The following ASB15 variants were observed in gnomAD, a reference collection of about 807,000 sequenced individuals.
ASB15 encodes the protein ankyrin repeat and SOCS box containing 15.
A neutral mutation model predicts 58.0 loss-of-function variants in ASB15; 54 were observed. The observed-to-expected ratio is 0.93, with a 90% CI of 0.75 to 1.17. The LOEUF is 1.17. Ranked by LOEUF, ASB15 falls within the 50% of genes most tolerant of loss-of-function variation. ASB15 has a pLI of 0.00. For synonymous variants in ASB15, 249 were observed against 262.4 expected, an observed-to-expected ratio of 0.95 and a Z score of 0.50; for missense variants, 680 against 707.4, an observed-to-expected ratio of 0.96 and a Z score of 0.44.
intron 1 of ASB15, among the ~76,000 whole-genome samples, chr7:123,602,623 T>C (rs1799942643): frequency 6.6e-6 from 1 of 152,206 alleles, no homozygotes; most frequent in South Asian, 2.1e-4. Context: ...GTGATAAAAA[T>C]TATAATTTTA....
chr7:123,610,704 C>A (rs913972666), intron 3 of ASB15, among the ~76,000 whole-genome samples: 1 of 152,088 alleles, frequency 6.6e-6, no homozygotes, highest in Non-Finnish European at 1.5e-5. Flanking sequence ...GCAAGGTTAA[C>A]CAGTGCTTTA....
At chr7:123,620,696 G>C (rs1449255409) in intron 7 of ASB15, among the ~76,000 whole-genome samples, 2 of 145,224 alleles carry the variant, frequency 1.4e-5, no homozygotes, top group Non-Finnish European at 3.0e-5. Flanking sequence ...CCGAGTAGCT[G>C]GGACTACAGG....
At chr7:123,619,473 C>T (rs1210431403) in intron 7 of ASB15, among the ~76,000 whole-genome samples, 2 of 152,098 alleles carry the variant, frequency 1.3e-5, no homozygotes, top group African/African-American at 2.4e-5. Flanking sequence ...ATACAGTTTG[C>T]TCAGTGAAGA....
At chr7:123,623,920 AAG>A (rs1801529146) in intron 7 of ASB15, among the ~76,000 whole-genome samples, 1 of 105,588 alleles carries the variant, frequency 9.5e-6, no homozygotes, top group African/African-American at 3.9e-5. Flanking sequence ...GGAAGGAAGG[AAG>A]AAAGAAAGAA....
At chr7:123,597,441 C>T (rs1799729685), upstream of ASB15, among the ~76,000 whole-genome samples, 3 of 152,018 alleles carry the variant, frequency 2.0e-5, no homozygotes, top group African/African-American at 7.2e-5. Flanking sequence ...ATAAATTAAA[C>T]GTTATCATAA....
Position 123,616,468 on chromosome 7 carries a change from C to T in ASB15, c.265C>T (p.Gln89Ter). 1 of 1,612,570 alleles carries T rather than the reference C, an allele frequency of 6.2e-7. No individual in the cohort carries two copies. Among genetic ancestry groups the T allele is most frequent in the Non-Finnish European group, 8.5e-7 (1 of 1,179,032 alleles). ...PLHEAVVQPI[Q>*]QILEIVLDAS... ...GCATGAAGCTGTTGTTCAACCCATT[C>T]AACAAATACTTGAGATTGTTCTGGA... The change falls in exon 6 of 12, where the codon CAA becomes TAA. Residue 89 changes from glutamine (Q) to a stop codon, truncating the protein, a stop_gained. Coordinates refer to ENST00000451215, the MANE Select transcript of ASB15 (RefSeq NM_001290258.2). LOFTEE classifies it high-confidence loss of function.
chr7:123,623,935 G>GAAAGGAAGAAAGAAAGA (rs1801549780), intron 7 of ASB15, among the ~76,000 whole-genome samples: 5 of 4,400 alleles, frequency 1.1e-3, no homozygotes, highest in African/African-American at 2.5e-3. Context: ...AGAAAGAAAA[G>GAAAGGAAGAAAGAAAGA]AAAGAAAGAA....
intron 1 of ASB15, among the ~76,000 whole-genome samples, chr7:123,579,713 T>G (rs1799172952): frequency 6.6e-6 from 1 of 152,058 alleles, no homozygotes; most frequent in African/African-American, 2.4e-5. Context: ...CTAACTCAAT[T>G]TTCACTAGGT....
intron 2 of ASB15, among the ~76,000 whole-genome samples, chr7:123,608,111 T>C (rs976261105): frequency 6.6e-6 from 1 of 152,176 alleles, no homozygotes; most frequent in African/African-American, 2.4e-5. Context: ...GTTCTTATTT[T>C]ATTTTTTTAT....
chr7:123,581,189 G>T (rs978485904), intron 1 of ASB15, among the ~76,000 whole-genome samples: 9 of 151,910 alleles, frequency 5.9e-5, no homozygotes, highest in African/African-American at 2.2e-4. Context: ...CTCAGGGCAT[G>T]AACACCGTTC....
chr7:123,616,610 ATTTGG>A, intron 6 of ASB15, 115 bp downstream of exon 6: 1 of 1,251,596 alleles, frequency 8.0e-7, no homozygotes, highest in Admixed American at 3.0e-5. Context: ...TTAAAATATT[ATTTGG>A]AATTTGAAAA....
At chr7:123,622,662 A>T (rs573322687) in intron 7 of ASB15, 1 of 151,900 alleles carries the variant, frequency 6.6e-6, no homozygotes, top group South Asian at 2.2e-4. Flanking sequence ...ATTTTAATAC[A>T]TTTTTTTTCT....
intron 5 of ASB15, 45 bp downstream of exon 5, chr7:123,616,318 C>A: frequency 1.2e-6 from 2 of 1,609,804 alleles, no homozygotes; most frequent in Non-Finnish European, 1.7e-6. Flanking sequence ...GGAGATTCCA[C>A]CTTGCAAAAA....
intron 2 of ASB15, among the ~76,000 whole-genome samples, chr7:123,607,640 C>T (rs1248294720): frequency 2.0e-5 from 3 of 152,116 alleles, no homozygotes; most frequent in African/African-American, 4.8e-5. Context: ...GTGCCTACCA[C>T]CACATCCAAT....
upstream of ASB15, among the ~76,000 whole-genome samples, chr7:123,600,419 C>G (rs1033407793): frequency 2.2e-4 from 34 of 152,150 alleles, no homozygotes; most frequent in Admixed American, 1.3e-4. Context: ...ATGTGTCAAG[C>G]CACACTTTAA....
At chr7:123,571,172 A>T (rs1272886162) in intron 1 of ASB15, among the ~76,000 whole-genome samples, 1 of 152,258 alleles carries the variant, frequency 6.6e-6, no homozygotes, top group Non-Finnish European at 1.5e-5. Flanking sequence ...CACCAACTGC[A>T]CAGCAGTTGA....
chr7:123,577,987 C>CACCCATCA (rs748678459), intron 1 of ASB15, among the ~76,000 whole-genome samples: 1 of 151,616 alleles, frequency 6.6e-6, no homozygotes, highest in Non-Finnish European at 1.5e-5. Flanking sequence ...TGATTTGCTG[C>CACCCATCA]ACCCATCAAC....
At chr7:123,600,119 G>A (rs1562918951), upstream of ASB15, among the ~76,000 whole-genome samples, 1 of 152,098 alleles carries the variant, frequency 6.6e-6, no homozygotes, top group Non-Finnish European at 1.5e-5. Context: ...TGGTGCCATG[G>A]TCATTGTATC....
In ASB15 at chr7:123,629,641, C is replaced by A. The variant is rs184541144; in HGVS notation, c.1440+207C>A. Among the ~76,000 whole-genome samples the A allele has an allele frequency of 3.2e-3, 484 of 150,954 alleles. 3 individuals carry two copies. Among genetic ancestry groups the A allele is most frequent in the Non-Finnish European group, 4.8e-3 (326 of 67,734 alleles). ...CCCAAAAATATGTTGTTTGTTTTTTCTTGACTTGAAAACTGAATGTAGAAG... is the reference window on the plus strand; with the variant it reads ...CCCAAAAATATGTTGTTTGTTTTTTATTGACTTGAAAACTGAATGTAGAAG... On this transcript the variant is annotated intron_variant, in intron 10 of 11. Coordinates refer to ENST00000451215, the MANE Select transcript of ASB15 (RefSeq NM_001290258.2).
Sources: allele counts gnomAD v4.1 joint callset (sites outside exome capture counted in the v4.1 genomes callset), GRCh38; gene constraint gnomAD v4.1.1; transcripts MANE v1.5; gene names NCBI Gene and HGNC (gene_info 2026-07-23, HGNC 2026-07-21).